The following CLIC6 variants were observed in gnomAD, a reference collection of about 807,000 sequenced individuals.
CLIC6 encodes CLIC family member 6, also known as chloride intracellular channel protein 6.
CLIC6 carries 39 observed loss-of-function variants against 49.2 expected under a neutral mutation model. That is an observed-to-expected ratio of 0.79 (90% CI 0.61 to 1.04). The LOEUF is 1.04. Among genes scored for constraint, CLIC6 ranks in the 50% least tolerant of loss-of-function variants. The pLI, the probability that CLIC6 is intolerant of heterozygous loss-of-function variation, is 0.00. For missense variants in CLIC6, 988 were observed against 993.1 expected (o/e 0.99, Z 0.07); for synonymous variants, 446 against 433.4 (o/e 1.03, Z -0.36).
rs184312893 is a variant in CLIC6 at position 34,717,636 on chromosome 21, C to A, written c.*1154C>A. On this transcript the variant is annotated 3_prime_UTR_variant, in exon 6 of 6. Transcript: ENST00000349499. ...TGTGTGGGCTGAGTGCTGGCCTTAACCCTAGGCGTGGAAGAGAAAATGTGA... is the reference window on the plus strand; with the variant it reads ...TGTGTGGGCTGAGTGCTGGCCTTAAACCTAGGCGTGGAAGAGAAAATGTGA... The A allele has an allele frequency of 6.6e-6, 1 of 152,288 alleles. No individual in the cohort carries two copies. The highest frequency in any genetic ancestry group is 3.4e-3 in the Middle Eastern group (1 of 294). The allele number at this position is 152,288 out of a possible 1,614,324, so 9.4% of individuals were successfully genotyped here.
intron 1 of CLIC6, among the ~76,000 whole-genome samples, chr21:34,701,935 T>C (rs1990197900): frequency 2.0e-5 from 3 of 151,920 alleles, no homozygotes; most frequent in African/African-American, 2.4e-5. Flanking sequence ...CCACCTCCTC[T>C]TCTCCTCCTC....
chr21:34,713,451 A>G (rs145963753), intron 5 of CLIC6, among the ~76,000 whole-genome samples: 1 of 152,248 alleles, frequency 6.6e-6, no homozygotes, highest in Non-Finnish European at 1.5e-5. Context: ...GCAGTAAGAC[A>G]CAGACGAAGA....
chr21:34,709,380 G>T lies in CLIC6; in HGVS notation c.1741G>T (p.Ala581Ser). 4 of 1,613,966 alleles carry T rather than the reference G, an allele frequency of 2.5e-6. No individual in the cohort carries two copies. Among genetic ancestry groups the T allele is most frequent in the Non-Finnish European group, 3.4e-6 (4 of 1,179,962 alleles). The change falls in exon 5 of 6, where the codon GCC (alanine) becomes TCC (serine). Residue 581 changes from alanine to serine, a missense_variant. By Grantham distance (99) the Ala-to-Ser change is moderately conservative. Transcript: ENST00000349499. The stretch of plus-strand genomic sequence containing the variant: ...AGTTCATGAAAAGAACCTGCTGAAG[G>T]CCCTGAGGAAGCTGGATAATTACTT... Reference protein sequence around the residue: ...NEIHEKNLLKALRKLDNYLNS... With the variant: ...NEIHEKNLLKSLRKLDNYLNS...
chr21:34,706,003 A>G (rs1325179707), intron 1 of CLIC6: 5 of 672,722 alleles, frequency 7.4e-6, no homozygotes, highest in Non-Finnish European at 1.3e-5. Context: ...TTACTATTTT[A>G]ACATTCTTTT....
chr21:34,671,709 A>G (rs1241844014), intron 1 of CLIC6, among the ~76,000 whole-genome samples: 1 of 152,250 alleles, frequency 6.6e-6, no homozygotes, highest in East Asian at 1.9e-4. Context: ...ATAATCCTTC[A>G]GAAATACTTC....
intron 1 of CLIC6, among the ~76,000 whole-genome samples, chr21:34,696,600 T>C (rs1990093122): frequency 6.6e-6 from 1 of 152,194 alleles, no homozygotes. Flanking sequence ...ATGGAGACAG[T>C]AGTAGTACCT....
intron 1 of CLIC6, among the ~76,000 whole-genome samples, chr21:34,673,404 C>T (rs1456907660): frequency 2.0e-5 from 3 of 152,140 alleles, no homozygotes; most frequent in African/African-American, 7.2e-5. Flanking sequence ...ATTCTTGTGT[C>T]TCAGCCTCCT....
intron 1 of CLIC6, among the ~76,000 whole-genome samples, chr21:34,681,339 C>T (rs1178094283): frequency 1.3e-5 from 2 of 152,198 alleles, no homozygotes; most frequent in Non-Finnish European, 2.9e-5. Context: ...TTTGATCCTG[C>T]CCTTTACACA....
chr21:34,680,688 A>T (rs1989761104), intron 1 of CLIC6, among the ~76,000 whole-genome samples: 1 of 152,196 alleles, frequency 6.6e-6, no homozygotes, highest in South Asian at 2.1e-4. Context: ...ACAGGGGCAA[A>T]ATGCTGCCAG....
At chr21:34,673,902 T>G (rs1489031097) in intron 1 of CLIC6, among the ~76,000 whole-genome samples, 1 of 152,200 alleles carries the variant, frequency 6.6e-6, no homozygotes, top group African/African-American at 2.4e-5. Context: ...TATTCTACAG[T>G]GGACACCTGA....
intron 1 of CLIC6, among the ~76,000 whole-genome samples, chr21:34,675,458 C>G (rs1459609952): frequency 1.3e-5 from 2 of 152,084 alleles, no homozygotes; most frequent in Non-Finnish European, 2.9e-5. Context: ...ATTTTCACAA[C>G]TATGTGTTCT....
At chr21:34,710,671 G>C (rs1204175507) in intron 5 of CLIC6, among the ~76,000 whole-genome samples, 1 of 152,160 alleles carries the variant, frequency 6.6e-6, no homozygotes, top group South Asian at 2.1e-4. Context: ...AAATTAGCCA[G>C]GTGTGGTGGC....
rs751986325 is a variant in CLIC6 at position 34,708,752 on chromosome 21, G to A, written c.1663G>A (p.Val555Met). The A allele has an allele frequency of 7.4e-6, 12 of 1,614,040 alleles. No homozygotes were observed. Among genetic ancestry groups the A allele is most frequent in the Admixed American group, 5.0e-5 (3 of 60,006 alleles). ...HPESNSAGND[V>M]FAKFSAFIKN... ...CGAATCTAATTCCGCAGGAAATGACGTGTTTGCCAAATTCTCAGCGTTTAT... is the reference window on the plus strand; with the variant it reads ...CGAATCTAATTCCGCAGGAAATGACATGTTTGCCAAATTCTCAGCGTTTAT... The change falls in exon 4 of 6, where the codon GTG becomes ATG. Residue 555 changes from valine to methionine, a missense_variant. By Grantham distance (21) the Val-to-Met change is conservative. This residue lies in a region of CLIC6 where 647 missense variants were observed against 596.9 expected (regional missense o/e 1.08). Coordinates refer to ENST00000349499, the MANE Select transcript of CLIC6 (RefSeq NM_053277.3).
chr21:34,698,880 G>A (rs887416862), intron 1 of CLIC6, among the ~76,000 whole-genome samples: 1 of 152,146 alleles, frequency 6.6e-6, no homozygotes, highest in Non-Finnish European at 1.5e-5. Context: ...CCCCAGGCCC[G>A]AGGCTCTGAG....
intron 1 of CLIC6, among the ~76,000 whole-genome samples, chr21:34,699,343 C>T (rs984595740): frequency 1.3e-5 from 2 of 151,838 alleles, no homozygotes; most frequent in African/African-American, 4.8e-5. Context: ...CTTCGACCTC[C>T]TGGGCTCAAG....
chr21:34,681,079 C>T (rs1878194721), intron 1 of CLIC6, among the ~76,000 whole-genome samples: 2 of 152,204 alleles, frequency 1.3e-5, no homozygotes, highest in African/African-American at 4.8e-5. Context: ...AAAGAACTGC[C>T]TGAGACTGGG....
intron 1 of CLIC6, among the ~76,000 whole-genome samples, chr21:34,673,349 G>A (rs1330189394): frequency 6.6e-6 from 1 of 152,030 alleles, no homozygotes; most frequent in Non-Finnish European, 1.5e-5. Flanking sequence ...GAGTGCAGTG[G>A]TGCTATCTCA....
intron 1 of CLIC6, among the ~76,000 whole-genome samples, chr21:34,678,601 T>C (rs1252895414): frequency 6.6e-6 from 1 of 152,176 alleles, no homozygotes; most frequent in Non-Finnish European, 1.5e-5. Context: ...GAATAAGAAA[T>C]ATTTAAGACA....
chr21:34,692,895 T>C (rs780904203), intron 1 of CLIC6, among the ~76,000 whole-genome samples: 3 of 152,222 alleles, frequency 2.0e-5, no homozygotes, highest in Non-Finnish European at 1.5e-5. Flanking sequence ...TGAACACTTT[T>C]AGAGATAATT....
Sources: gnomAD v4.1 joint callset for allele counts (sites outside exome capture counted in the v4.1 genomes callset) on GRCh38, gnomAD v4.1.1 for gene constraint, gnomAD v4.1.1 regional missense constraint, MANE v1.5 for transcripts, NCBI Gene and HGNC (gene_info 2026-07-23, HGNC 2026-07-21) for gene names.